Variants in CFAP299 observed in about 807,000 individuals in gnomAD.
CFAP299 encodes the protein cilia- and flagella-associated protein 299.
Under a neutral mutation model 27.0 loss-of-function variants are expected in CFAP299, and 21 were observed. The ratio of observed to expected loss-of-function variants is 0.78; its 90% CI spans 0.55 to 1.12. The LOEUF is 1.12. Among genes scored for constraint, CFAP299 ranks in the 50% most tolerant of loss-of-function variants. The pLI is 0.00. For synonymous variants in CFAP299, 104 were observed against 98.1 expected, an observed-to-expected ratio of 1.06 and a Z score of -0.36; for missense variants, 310 against 276.6, an observed-to-expected ratio of 1.12 and a Z score of -0.86.
At chr4:80,606,242 A>AT (rs1737663976) in intron 3 of CFAP299, among the ~76,000 whole-genome samples, 1 of 152,232 alleles carries the variant, frequency 6.6e-6, no homozygotes, top group South Asian at 2.1e-4. Flanking sequence ...ACAAAGGTAT[A>AT]TAGCCATAGC....
intron 3 of CFAP299, among the ~76,000 whole-genome samples, chr4:80,731,489 C>A (rs949380915): frequency 1.3e-5 from 2 of 152,186 alleles, no homozygotes; most frequent in Admixed American, 6.5e-5. Context: ...ATCGGGCCCA[C>A]TGGCCATTTC....
At position 80,936,486 on chromosome 4, in the gene CFAP299, A is replaced by G. The variant is rs189730299; in HGVS notation, c.477-8324A>G. Among the ~76,000 whole-genome samples the G allele has an allele frequency of 4.0e-3, 616 of 152,258 alleles. 1 individual carries two copies. The highest frequency in any genetic ancestry group is 0.014 in the Middle Eastern group (4 of 294). On this transcript the variant is annotated intron_variant, in intron 4 of 5. Transcript: ENST00000358105. ...GAAAGAGAACAAGATTATGTCTTTT[A>G]TGGGAACATATAGAGCTGGAGGCCA...
chr4:80,859,968 A>T (rs959643721), intron 3 of CFAP299, among the ~76,000 whole-genome samples: 3 of 152,138 alleles, frequency 2.0e-5, no homozygotes, highest in Non-Finnish European at 2.9e-5. Context: ...GTCTTGCTAG[A>T]TTGGGGAAGT....
chr4:80,590,925 A>G (rs1283525065), intron 3 of CFAP299, among the ~76,000 whole-genome samples: 2 of 151,908 alleles, frequency 1.3e-5, no homozygotes, highest in Admixed American at 1.3e-4. Context: ...TTATGATTCC[A>G]ATATGGGAGA....
At chr4:80,643,942 TA>T (rs1347480739) in intron 3 of CFAP299, among the ~76,000 whole-genome samples, 2 of 152,202 alleles carry the variant, frequency 1.3e-5, no homozygotes, top group Non-Finnish European at 2.9e-5. Flanking sequence ...CTTTAGTATT[TA>T]TATGAGATAT....
intron 2 of CFAP299, among the ~76,000 whole-genome samples, chr4:80,497,853 G>A (rs766507243): frequency 5.9e-5 from 9 of 151,994 alleles, no homozygotes; most frequent in Non-Finnish European, 1.2e-4. Flanking sequence ...ACCCAACTTC[G>A]AAGTATATTA....
intron 5 of CFAP299, among the ~76,000 whole-genome samples, chr4:80,962,332 G>A (rs1738384402): frequency 6.6e-6 from 1 of 151,892 alleles, no homozygotes. Flanking sequence ...TATCTGTATA[G>A]GGAATAAGGA....
Position 80,891,160 on chromosome 4 carries a change from C to T in CFAP299, c.476+21025C>T, listed in dbSNP as rs879657405. 2.1e-3 allele frequency among the ~76,000 whole-genome samples: 309 copies of T among 148,766 alleles called. 1 individual carries two copies. Among genetic ancestry groups the T allele is most frequent in the Middle Eastern group, 3.4e-3 (1 of 292 alleles). On this transcript the variant is annotated intron_variant, in intron 4 of 5. Coordinates refer to ENST00000358105, the MANE Select transcript of CFAP299 (RefSeq NM_152770.3). Reference sequence around the variant, plus strand: ...CACGCCTATGTCCTGAATGGTAATGCCTAGGTTTTCTTCTAGGGTTTTTAT... The same window carrying T: ...CACGCCTATGTCCTGAATGGTAATGTCTAGGTTTTCTTCTAGGGTTTTTAT...
chr4:80,876,220 G>C (rs573871268), intron 4 of CFAP299, among the ~76,000 whole-genome samples: 1 of 151,452 alleles, frequency 6.6e-6, no homozygotes, highest in South Asian at 2.1e-4. Flanking sequence ...TTAGGGACCT[G>C]ATATGGTTTG....
intron 2 of CFAP299, among the ~76,000 whole-genome samples, chr4:80,558,925 A>G (rs2110218800): frequency 6.6e-6 from 1 of 152,304 alleles, no homozygotes; most frequent in Admixed American, 6.5e-5. Context: ...TCATATAAAT[A>G]GCACTAACGA....
At chr4:80,595,830 T>C (rs1005735447) in intron 3 of CFAP299, among the ~76,000 whole-genome samples, 2 of 152,146 alleles carry the variant, frequency 1.3e-5, no homozygotes, top group Non-Finnish European at 2.9e-5. Flanking sequence ...TTTTCTGAGG[T>C]GGTGAAGTTC....
chr4:80,719,194 T>C (rs1422980322), intron 3 of CFAP299, among the ~76,000 whole-genome samples: 3 of 152,062 alleles, frequency 2.0e-5, no homozygotes, highest in African/African-American at 7.2e-5. Flanking sequence ...AGATACTAAG[T>C]TTAGTACCTG....
chr4:80,758,990 G>C (rs1157980276), intron 3 of CFAP299, among the ~76,000 whole-genome samples: 3 of 152,002 alleles, frequency 2.0e-5, no homozygotes, highest in Non-Finnish European at 2.9e-5. Flanking sequence ...TCCTGGAAAA[G>C]AAATAGTGAA....
At chr4:80,959,710 T>C (rs1738245554) in intron 5 of CFAP299, among the ~76,000 whole-genome samples, 1 of 151,998 alleles carries the variant, frequency 6.6e-6, no homozygotes, top group African/African-American at 2.4e-5. Context: ...CTTTGTGATA[T>C]TTTTGAAGGG....
intron 2 of CFAP299, among the ~76,000 whole-genome samples, chr4:80,554,354 GT>G (rs1448779696): frequency 6.6e-6 from 1 of 151,934 alleles, no homozygotes; most frequent in Admixed American, 6.6e-5. Context: ...TTATGTGCCT[GT>G]TTTTTCTACC....
chr4:80,759,936 C>G (rs1384537834), intron 3 of CFAP299, among the ~76,000 whole-genome samples: 1 of 151,926 alleles, frequency 6.6e-6, no homozygotes, highest in African/African-American at 2.4e-5. Flanking sequence ...TTATGTTATA[C>G]AGATGTTTGT....
intron 3 of CFAP299, among the ~76,000 whole-genome samples, chr4:80,629,871 G>GAAAAAAAAAAAAAAAA (rs1239255685): frequency 1.5e-5 from 1 of 66,988 alleles, no homozygotes; most frequent in African/African-American, 3.7e-5. Context: ...TCTGTATCTG[G>GAAAAAAAAAAAAAAAA]AAAAAAAAAA....
chr4:80,454,209 C>T (rs1729039191), intron 2 of CFAP299, among the ~76,000 whole-genome samples: 1 of 152,028 alleles, frequency 6.6e-6, no homozygotes, highest in Admixed American at 6.6e-5. Flanking sequence ...TCTTTGCTGC[C>T]TGGAGAGACT....
intron 3 of CFAP299, among the ~76,000 whole-genome samples, chr4:80,616,686 C>T (rs1738304755): frequency 6.6e-6 from 1 of 152,130 alleles, no homozygotes; most frequent in East Asian, 1.9e-4. Context: ...CATTATACTT[C>T]TCGGAGCTGT....
Sources: gnomAD v4.1 joint callset for allele counts (sites outside exome capture counted in the v4.1 genomes callset) on GRCh38, gnomAD v4.1.1 for gene constraint, MANE v1.5 for transcripts, NCBI Gene and HGNC (gene_info 2026-07-23, HGNC 2026-07-21) for gene names.